The following MAB21L3 variants were observed in gnomAD, a reference collection of about 807,000 sequenced individuals.
MAB21L3 encodes protein mab-21-like 3.
In MAB21L3, 36 loss-of-function variants were observed where a neutral mutation model predicts 37.7. The observed-to-expected ratio is 0.96, with a 90% CI of 0.73 to 1.26. MAB21L3 has a LOEUF of 1.26. MAB21L3 is among the 50% of genes most tolerant of loss of function. The probability of loss-of-function intolerance (pLI) is 0.00; values close to 1 mark genes in which losing one functional copy is unlikely to be tolerated. For missense variants in MAB21L3, 430 were observed against 447.3 expected (o/e 0.96, Z 0.35); for synonymous variants, 186 against 176.8 (o/e 1.05, Z -0.41).
intron 3 of MAB21L3, among the ~76,000 whole-genome samples, chr1:116,115,417 CT>C (rs112514632): frequency 0.053 from 8,086 of 152,266 alleles, 595 homozygotes; most frequent in African/African-American, 0.16. Flanking sequence ...TTATTAGCCC[CT>C]GAAAGACAGA....
intron 3 of MAB21L3, among the ~76,000 whole-genome samples, chr1:116,113,692 A>T (rs903214429): frequency 1.3e-5 from 2 of 152,222 alleles, no homozygotes; most frequent in African/African-American, 4.8e-5. Context: ...TGTTTTTCAC[A>T]AACATTTCAA....
At chr1:116,128,120 C>T in intron 6 of MAB21L3, 25 bp from the exon 7 acceptor site, 3 of 1,598,260 alleles carry the variant, frequency 1.9e-6, no homozygotes, top group South Asian at 1.1e-5. Context: ...CTTCTTATTT[C>T]CCAATATTTT....
chr1:116,119,090 G>A (rs1287672958), intron 3 of MAB21L3, among the ~76,000 whole-genome samples: 2 of 152,220 alleles, frequency 1.3e-5, no homozygotes, highest in Non-Finnish European at 2.9e-5. Flanking sequence ...GAAGTCCTAT[G>A]CTGGAGAGGA....
chr1:116,124,126 G>T lies in MAB21L3; in HGVS notation c.250G>T (p.Glu84Ter). The T allele has an allele frequency of 6.2e-7, 1 of 1,613,996 alleles. No homozygotes were observed. The highest frequency in any genetic ancestry group is 2.2e-5 in the East Asian group (1 of 44,876). ...AATAAAAGGCCTGGCCGGGTACAGG[G>T]AGGCCAGGGAGCAGCACTGGCGGTA... ...VPIKGLAGYR[E>*]AREQHWRYYT... Residue 84 changes from glutamate (E) to a stop codon, truncating the protein, a stop_gained, in exon 5 of 8, where the codon GAG (glutamate) becomes TAG (stop). Transcript: ENST00000369500. LOFTEE classifies it high-confidence loss of function.
At chr1:116,126,617 C>CCTAA (rs2101616422) in intron 5 of MAB21L3, among the ~76,000 whole-genome samples, 1 of 152,220 alleles carries the variant, frequency 6.6e-6, no homozygotes, top group Admixed American at 6.5e-5. Context: ...TGATGCTGTC[C>CCTAA]CTAACCAGTG....
At chr1:116,117,054 GTACA>G (rs1193506598) in intron 3 of MAB21L3, among the ~76,000 whole-genome samples, 1 of 151,210 alleles carries the variant, frequency 6.6e-6, no homozygotes, top group South Asian at 2.1e-4. Flanking sequence ...ATACACACAT[GTACA>G]TACATACACA....
chr1:116,133,646 G>A lies in MAB21L3; in HGVS notation c.*281G>A. On this transcript the variant is annotated 3_prime_UTR_variant, in exon 8 of 8. Coordinates refer to ENST00000369500, the MANE Select transcript of MAB21L3 (RefSeq NM_152367.3). Reference sequence around the variant, plus strand: ...AGGCACAGATTTGGAACTGGTGACAGTTCTGAACTTAGTTTCCCTTGTTCA... The same window carrying A: ...AGGCACAGATTTGGAACTGGTGACAATTCTGAACTTAGTTTCCCTTGTTCA... 2 of 509,934 alleles carry A rather than the reference G, an allele frequency of 3.9e-6. No individual in the cohort carries two copies. The highest frequency in any genetic ancestry group is 2.2e-5 in the South Asian group (1 of 44,972). 31.6% of individuals were successfully genotyped at this position (509,934 alleles called of 1,614,324 possible). A position where few individuals can be genotyped will look rare whatever the true frequency, so the allele number is the denominator to read the frequency against.
chr1:116,114,413 C>T (rs1414428113), intron 3 of MAB21L3, among the ~76,000 whole-genome samples: 1 of 152,158 alleles, frequency 6.6e-6, no homozygotes, highest in Non-Finnish European at 1.5e-5. Flanking sequence ...GTACATATTG[C>T]CTCCATTTTT....
In MAB21L3 at chr1:116,127,546, G is replaced by T. The variant is rs747931622; in HGVS notation, c.562G>T (p.Val188Phe). Reference sequence around the variant, plus strand: ...TGCATATCAGGTGGAACTGGAGCTGGTCCCCGCAGTGGAGATCCCCACCAC... The same window carrying T: ...TGCATATCAGGTGGAACTGGAGCTGTTCCCCGCAGTGGAGATCCCCACCAC... ...TSAYQVELELVPAVEIPTTWS... is the reference protein window; with the variant it reads ...TSAYQVELELFPAVEIPTTWS... The change falls in exon 6 of 8, where the codon GTC becomes TTC. Residue 188 changes from valine to phenylalanine, a missense_variant. Physicochemically the swap from Val to Phe is conservative, Grantham distance 50 (BLOSUM62 -1). Transcript: ENST00000369500. The T allele has an allele frequency of 1.2e-6, 2 of 1,614,170 alleles. No individual in the cohort carries two copies. The highest frequency in any genetic ancestry group is 2.2e-5 in the East Asian group (1 of 44,882).
chr1:116,125,264 C>A (rs1371314275), intron 5 of MAB21L3, among the ~76,000 whole-genome samples: 6 of 152,064 alleles, frequency 3.9e-5, no homozygotes, highest in African/African-American at 7.2e-5. Context: ...TTTTAAAGGG[C>A]AAGTTGTCTA....
Position 116,112,628 on chromosome 1 carries a change from A to G in MAB21L3, c.13A>G (p.Thr5Ala), listed in dbSNP as rs1659461335. 8.1e-6 allele frequency: 13 copies of G among 1,613,648 alleles called. No individual in the cohort carries two copies. The highest frequency in any genetic ancestry group is 9.3e-6 in the Non-Finnish European group (11 of 1,179,922). The change falls in exon 3 of 8, where the codon ACT (threonine) becomes GCT (alanine). Residue 5 changes from threonine to alanine, a missense_variant. Thr to Ala is a moderately conservative substitution (Grantham distance 58, BLOSUM62 0). Transcript: ENST00000369500. Reference sequence around the variant, plus strand: ...TGACCAAGAAGCCATGAAATACCTTACTGTGGGAGACTTAGAAGATTGCCT... The same window carrying G: ...TGACCAAGAAGCCATGAAATACCTTGCTGTGGGAGACTTAGAAGATTGCCT... Reference protein sequence around the residue: MKYLTVGDLEDCLLN... With the variant: MKYLAVGDLEDCLLN...
intron 7 of MAB21L3, among the ~76,000 whole-genome samples, chr1:116,130,678 G>T (rs1660045467): frequency 6.6e-6 from 1 of 152,150 alleles, no homozygotes; most frequent in African/African-American, 2.4e-5. Flanking sequence ...TCTCTTACAA[G>T]GCCCTCACCT....
chr1:116,136,412 T>C lies in MAB21L3; in HGVS notation c.*3047T>C, dbSNP rs1476259079. Among the ~76,000 whole-genome samples the C allele has an allele frequency of 1.3e-5, 2 of 151,886 alleles. No individual in the cohort carries two copies. The highest frequency in any genetic ancestry group is 4.8e-5 in the African/African-American group (2 of 41,390). On this transcript the variant is annotated 3_prime_UTR_variant, in exon 8 of 8. Transcript: ENST00000369500. ...GAATAAAATACTTAGGAATCCAACT[T>C]ACAAGGGACGTGAAGGACCTCTTCA...
chr1:116,118,670 T>C (rs565652207), intron 3 of MAB21L3, among the ~76,000 whole-genome samples: 2 of 152,336 alleles, frequency 1.3e-5, no homozygotes, highest in South Asian at 4.1e-4. Context: ...GCAATTGTGT[T>C]CTAAAAATAT....
chr1:116,128,363 A>G, intron 7 of MAB21L3, 24 bp downstream of exon 7: 1 of 1,589,794 alleles, frequency 6.3e-7, no homozygotes. Flanking sequence ...AGGTTGGAGA[A>G]GACCCAGGGG....
At position 116,127,605 on chromosome 1, in the gene MAB21L3, G is replaced by A. The variant is rs147082831; in HGVS notation, c.621G>A (p.Leu207=). Residue 207 remains leucine, a synonymous_variant, in exon 6 of 8, where the codon CTG becomes CTA. Transcript: ENST00000369500. The part of the protein sequence containing the change: ...WSKKARWPRC[L]QRWPSQERVE... ...AGAAAGCCCGGTGGCCTCGATGTCT[G>A]CAGCGCTGGCCTTCCCAAGAGAGAG... is the stretch of plus-strand genomic sequence containing the variant. 5.8e-5 allele frequency: 94 copies of A among 1,613,996 alleles called. No individual in the cohort carries two copies. The Admixed American group carries it at 1.5e-3, about 26-fold the overall frequency.
At chr1:116,120,744 C>A (rs1659723828) in intron 3 of MAB21L3, among the ~76,000 whole-genome samples, 188 bp from the exon 4 acceptor site, 1 of 152,154 alleles carries the variant, frequency 6.6e-6, no homozygotes, top group Non-Finnish European at 1.5e-5. Context: ...AACATTGAGG[C>A]ACCACCAAGT....
At chr1:116,121,569 T>A (rs903525022) in intron 4 of MAB21L3, among the ~76,000 whole-genome samples, 1 of 152,148 alleles carries the variant, frequency 6.6e-6, no homozygotes, top group Non-Finnish European at 1.5e-5. Flanking sequence ...AAGCACCTAC[T>A]TAATAGATTG....
chr1:116,128,168 C>G lies in MAB21L3; in HGVS notation c.684C>G (p.Ala228=), dbSNP rs769774369. Residue 228 remains alanine (A), a synonymous_variant, in exon 7 of 8, where the codon GCC becomes GCG. Coordinates refer to ENST00000369500, the MANE Select transcript of MAB21L3 (RefSeq NM_152367.3). ...CIKSFGFNLL[A]CSNYHWQLSF... is the part of the protein sequence containing the mutation. ...AGTCGTTTGGATTTAACTTGTTGGC[C>G]TGTTCAAATTATCACTGGCAGCTGA... The G allele has an allele frequency of 2.5e-6, 4 of 1,613,074 alleles. No homozygotes were observed. The South Asian group carries it at 4.4e-5, about 18-fold the overall frequency.
Sources: gnomAD v4.1 joint callset for allele counts (sites outside exome capture counted in the v4.1 genomes callset) on GRCh38, gnomAD v4.1.1 for gene constraint, MANE v1.5 for transcripts, NCBI Gene and HGNC (gene_info 2026-07-23, HGNC 2026-07-21) for gene names.